The following LRRTM4 variants were observed in gnomAD, a reference collection of about 807,000 sequenced individuals.
LRRTM4 encodes the protein leucine-rich repeat transmembrane neuronal protein 4.
In LRRTM4, 25 loss-of-function variants were observed where a neutral mutation model predicts 47.6. The ratio of observed to expected loss-of-function variants is 0.53; its 90% CI spans 0.38 to 0.73. LRRTM4 has a LOEUF of 0.73. Among genes scored for constraint, LRRTM4 ranks in the 30% least tolerant of loss-of-function variants. The pLI is 0.00. For synonymous variants in LRRTM4, 311 were observed against 269.5 expected, an observed-to-expected ratio of 1.15 and a Z score of -1.51; for missense variants, 638 against 713.4, an observed-to-expected ratio of 0.89 and a Z score of 1.20.
chr2:77,313,175 T>G lies in LRRTM4; in HGVS notation c.1551+205143A>C, dbSNP rs1247142654. Among the ~76,000 whole-genome samples, 7 of 149,998 alleles carry G rather than the reference T, an allele frequency of 4.7e-5. No individual in the cohort carries two copies. In the South Asian group the frequency reaches 1.5e-3, roughly 31 times the overall value. On this transcript the variant is annotated intron_variant, in intron 3 of 3. Coordinates refer to ENST00000409884, the MANE Select transcript of LRRTM4 (RefSeq NM_001134745.3). ...GACCTGTTGCTGTGACGTGCCTCCCTATTTTTTCCTGAGACCTGTTGTGGT... is the reference window on the plus strand; with the variant it reads ...GACCTGTTGCTGTGACGTGCCTCCCGATTTTTTCCTGAGACCTGTTGTGGT...
chr2:76,789,684 A>T (rs1261448260), intron 3 of LRRTM4, among the ~76,000 whole-genome samples: 1 of 152,132 alleles, frequency 6.6e-6, no homozygotes, highest in Non-Finnish European at 1.5e-5. Flanking sequence ...AATCATGGAA[A>T]GACTCTGTAT....
intron 3 of LRRTM4, among the ~76,000 whole-genome samples, chr2:77,206,770 C>T (rs1348502860): frequency 3.9e-5 from 6 of 152,120 alleles, no homozygotes; most frequent in African/African-American, 1.2e-4. Flanking sequence ...AGGTGTGAGC[C>T]ACTGTGCCCA....
At chr2:76,944,578 C>G (rs1675260576) in intron 3 of LRRTM4, among the ~76,000 whole-genome samples, 1 of 151,998 alleles carries the variant, frequency 6.6e-6, no homozygotes, top group Non-Finnish European at 1.5e-5. Context: ...GACACATAAT[C>G]ATGAAGGAGG....
At chr2:77,311,645 A>G (rs903156632) in intron 3 of LRRTM4, among the ~76,000 whole-genome samples, 2 of 152,210 alleles carry the variant, frequency 1.3e-5, no homozygotes, top group African/African-American at 4.8e-5. Context: ...GGTTAAATAA[A>G]TAGCAGCAGG....
At chr2:76,864,432 C>A (rs1047066485) in intron 3 of LRRTM4, among the ~76,000 whole-genome samples, 2 of 151,660 alleles carry the variant, frequency 1.3e-5, no homozygotes, top group Non-Finnish European at 2.9e-5. Context: ...CCTAGGCGGG[C>A]GGATCATCTG....
chr2:76,796,525 G>A (rs1675335510), intron 3 of LRRTM4, among the ~76,000 whole-genome samples: 1 of 127,004 alleles, frequency 7.9e-6, no homozygotes, highest in Non-Finnish European at 1.6e-5. Context: ...CACCCTAACT[G>A]GGAGGCACCC....
intron 3 of LRRTM4, among the ~76,000 whole-genome samples, chr2:76,848,611 T>A (rs1671902540): frequency 6.6e-6 from 1 of 152,122 alleles, no homozygotes; most frequent in Non-Finnish European, 1.5e-5. Flanking sequence ...CAGTTCATTA[T>A]TATTTTAGAA....
intron 3 of LRRTM4, among the ~76,000 whole-genome samples, chr2:77,095,600 G>A (rs889706425): frequency 6.6e-6 from 1 of 150,926 alleles, no homozygotes; most frequent in Admixed American, 6.6e-5. Context: ...CCCCCTCCCC[G>A]GTTCAAATGA....
At chr2:76,779,905 G>T (rs973837731) in intron 3 of LRRTM4, among the ~76,000 whole-genome samples, 4 of 151,874 alleles carry the variant, frequency 2.6e-5, no homozygotes, top group Non-Finnish European at 4.4e-5. Flanking sequence ...GGTACCGGTT[G>T]TTCCTTTCCA....
At chr2:77,134,478 T>G (rs947115277) in intron 3 of LRRTM4, among the ~76,000 whole-genome samples, 1 of 152,202 alleles carries the variant, frequency 6.6e-6, no homozygotes, top group African/African-American at 2.4e-5. Context: ...ATAATTATTT[T>G]AAAAATATGT....
At chr2:76,830,148 GCTA>G (rs1671305955) in intron 3 of LRRTM4, among the ~76,000 whole-genome samples, 1 of 151,838 alleles carries the variant, frequency 6.6e-6, no homozygotes. Flanking sequence ...GATTACCAGG[GCTA>G]CTATTTTTTT....
chr2:77,407,816 T>C (rs1001031047), intron 3 of LRRTM4, among the ~76,000 whole-genome samples: 10 of 149,706 alleles, frequency 6.7e-5, no homozygotes, highest in Admixed American at 2.7e-4. Context: ...CTCAGGGCTA[T>C]GTCAATGTCT....
At chr2:76,918,643 T>C (rs918745726) in intron 3 of LRRTM4, among the ~76,000 whole-genome samples, 1 of 152,082 alleles carries the variant, frequency 6.6e-6, no homozygotes, top group Non-Finnish European at 1.5e-5. Flanking sequence ...GTGTAATCAC[T>C]CTTGGTGGCC....
intron 3 of LRRTM4, among the ~76,000 whole-genome samples, chr2:77,210,249 C>A (rs1382859083): frequency 1.3e-5 from 2 of 152,158 alleles, no homozygotes; most frequent in African/African-American, 4.8e-5. Flanking sequence ...AATAACATTT[C>A]TGCTTCTTAT....
intron 3 of LRRTM4, among the ~76,000 whole-genome samples, chr2:77,232,439 A>G (rs1674990783): frequency 6.6e-6 from 1 of 152,224 alleles, no homozygotes; most frequent in Admixed American, 6.5e-5. Flanking sequence ...CAAGCGCTAC[A>G]GAGCATGATA....
intron 3 of LRRTM4, among the ~76,000 whole-genome samples, chr2:77,042,983 C>T (rs1036039138): frequency 1.3e-5 from 2 of 151,664 alleles, no homozygotes; most frequent in African/African-American, 4.8e-5. Flanking sequence ...GTGGGGGTTT[C>T]TTAGGCTCTG....
chr2:77,348,883 A>T (rs1671662627), intron 3 of LRRTM4, among the ~76,000 whole-genome samples: 1 of 151,872 alleles, frequency 6.6e-6, no homozygotes, highest in African/African-American at 2.4e-5. Flanking sequence ...ACATCAACAA[A>T]TTAATGAGAA....
At chr2:76,920,925 C>T (rs973267773) in intron 3 of LRRTM4, among the ~76,000 whole-genome samples, 5 of 152,028 alleles carry the variant, frequency 3.3e-5, no homozygotes, top group African/African-American at 4.8e-5. Context: ...CTTAGATTAA[C>T]GGAAATTTGC....
chr2:76,998,645 A>G (rs1677292091), intron 3 of LRRTM4, among the ~76,000 whole-genome samples: 1 of 152,006 alleles, frequency 6.6e-6, no homozygotes, highest in Admixed American at 6.6e-5. Flanking sequence ...CCACTGCTAT[A>G]AAATTTACGT....
Sources: gnomAD v4.1 joint callset for allele counts (sites outside exome capture counted in the v4.1 genomes callset) on GRCh38, gnomAD v4.1.1 for gene constraint, MANE v1.5 for transcripts, NCBI Gene and HGNC (gene_info 2026-07-23, HGNC 2026-07-21) for gene names.